Variants in SLC2A13 observed in about 807,000 individuals in gnomAD.
SLC2A13 encodes the protein solute carrier family 2 member 13.
A neutral mutation model predicts 64.4 loss-of-function variants in SLC2A13; 32 were observed. The observed-to-expected ratio is 0.50, with a 90% CI of 0.37 to 0.67. SLC2A13 has a LOEUF of 0.67. Ranked by LOEUF, SLC2A13 falls within the 30% of genes least tolerant of loss-of-function variation. The pLI, the probability that SLC2A13 is intolerant of heterozygous loss-of-function variation, is 0.00. For synonymous variants in SLC2A13, 338 were observed against 327.1 expected (o/e 1.03, Z -0.36); for missense variants, 743 against 829.2 (o/e 0.90, Z 1.28).
rs375245463 is a variant in SLC2A13, at chr12:39,775,506, G to A, written c.1446-10648C>T. Among the ~76,000 whole-genome samples the A allele has an allele frequency of 3.5e-4, 54 of 152,324 alleles. 3 individuals are homozygous for A. Among genetic ancestry groups the A allele is most frequent in the Admixed American group, 2.6e-3 (40 of 15,298 alleles). On this transcript the variant is annotated intron_variant, in intron 7 of 9. Coordinates refer to ENST00000280871, the MANE Select transcript of SLC2A13 (RefSeq NM_052885.4). ...GAACTCTGCCTTGGGGAGGGTCCAC[G>A]TTAGCATTTGAGTGGTCTAAGAAAA...
intron 6 of SLC2A13, among the ~76,000 whole-genome samples, chr12:39,852,169 T>A (rs1943486844): frequency 6.6e-6 from 1 of 152,156 alleles, no homozygotes; most frequent in African/African-American, 2.4e-5. Context: ...GCATGGTAAA[T>A]AACAGCATCT....
intron 1 of SLC2A13, among the ~76,000 whole-genome samples, chr12:40,058,995 G>A (rs1948376525): frequency 6.6e-6 from 1 of 152,072 alleles, no homozygotes; most frequent in African/African-American, 2.4e-5. Flanking sequence ...TCTAGTGGCA[G>A]CTGTGACTCA....
intron 7 of SLC2A13, among the ~76,000 whole-genome samples, chr12:39,766,296 G>GC (rs1940346713): frequency 6.6e-6 from 1 of 152,092 alleles, no homozygotes; most frequent in Non-Finnish European, 1.5e-5. Flanking sequence ...GGGTCACACG[G>GC]ATTTTTTGGT....
chr12:39,783,774 G>A (rs901208835), intron 7 of SLC2A13, among the ~76,000 whole-genome samples: 1 of 152,074 alleles, frequency 6.6e-6, no homozygotes, highest in African/African-American at 2.4e-5. Context: ...AGATGGGTAG[G>A]AAGTCAAATG....
At chr12:40,008,597 C>T (rs530967241) in intron 3 of SLC2A13, among the ~76,000 whole-genome samples, 11 of 146,654 alleles carry the variant, frequency 7.5e-5, no homozygotes, top group African/African-American at 2.3e-4. Flanking sequence ...GGCGACAGAG[C>T]GAGACTGCGT....
Position 39,972,609 on chromosome 12 carries a change from AC to A in SLC2A13, c.926-21245del, listed in dbSNP as rs539887826. 2.9e-3 allele frequency among the ~76,000 whole-genome samples: 448 copies of A among 152,214 alleles called. 4 individuals carry two copies. Among genetic ancestry groups the A allele is most frequent in the African/African-American group, 0.01 (416 of 41,532 alleles). On this transcript the variant is annotated intron_variant, in intron 3 of 9. Transcript: ENST00000280871. ...TATAATTATCTCTCCCTCAATCCCA[AC>A]GTCAGTTACCCTATCTATTAGATCT...
intron 4 of SLC2A13, among the ~76,000 whole-genome samples, chr12:39,898,734 T>G (rs917366686): frequency 6.6e-6 from 1 of 152,144 alleles, no homozygotes; most frequent in Non-Finnish European, 1.5e-5. Context: ...CATGTGTTCA[T>G]GGAATGGAAC....
intron 4 of SLC2A13, among the ~76,000 whole-genome samples, chr12:39,934,629 G>C (rs1238941967): frequency 6.6e-6 from 1 of 152,182 alleles, no homozygotes; most frequent in Non-Finnish European, 1.5e-5. Flanking sequence ...AGAGACTTAG[G>C]GACATTACAG....
In SLC2A13 at chr12:39,961,068, TG is replaced by T. The variant is rs1347565546; in HGVS notation, c.926-9704del. Among the ~76,000 whole-genome samples, 301 of 151,084 alleles carry T rather than the reference TG, an allele frequency of 2.0e-3. 2 individuals are homozygous for T. Among genetic ancestry groups the T allele is most frequent in the African/African-American group, 7.0e-3 (286 of 41,150 alleles). The stretch of plus-strand genomic sequence containing the variant: ...GGCCCTTGCATGATTTTAAAGAGAA[TG>T]TTTTTTTCTTTTTTTTTTTTTTACT... On this transcript the variant is annotated intron_variant, in intron 3 of 9. Coordinates refer to ENST00000280871, the MANE Select transcript of SLC2A13 (RefSeq NM_052885.4).
chr12:39,939,444 A>G (rs998102841), intron 4 of SLC2A13, among the ~76,000 whole-genome samples: 15 of 152,182 alleles, frequency 9.9e-5, no homozygotes, highest in African/African-American at 3.4e-4. Context: ...CTCCAGAGGG[A>G]GAAAGTACAC....
At chr12:39,948,443 T>G (rs142790199) in intron 4 of SLC2A13, among the ~76,000 whole-genome samples, 1 of 152,104 alleles carries the variant, frequency 6.6e-6, no homozygotes, top group Non-Finnish European at 1.5e-5. Context: ...TGTGACAGAA[T>G]AGTAAATAGG....
chr12:39,928,275 G>GA (rs981472282), intron 4 of SLC2A13, among the ~76,000 whole-genome samples: 6 of 151,986 alleles, frequency 3.9e-5, no homozygotes, highest in East Asian at 1.9e-4. Flanking sequence ...TGGATTGGGT[G>GA]AAAAAAATCT....
chr12:40,083,781 T>A (rs939021078), intron 1 of SLC2A13, among the ~76,000 whole-genome samples: 2 of 152,188 alleles, frequency 1.3e-5, no homozygotes, highest in African/African-American at 4.8e-5. Flanking sequence ...AAAGAAAAGA[T>A]GATACAAACA....
chr12:40,036,679 T>C (rs558543311), intron 2 of SLC2A13, among the ~76,000 whole-genome samples: 2 of 152,342 alleles, frequency 1.3e-5, no homozygotes, highest in Non-Finnish European at 2.9e-5. Context: ...CTGATTACTT[T>C]AGTGTTATAA....
chr12:39,938,397 A>T (rs978878845), intron 4 of SLC2A13, among the ~76,000 whole-genome samples: 1 of 132,300 alleles, frequency 7.6e-6, no homozygotes, highest in Non-Finnish European at 1.8e-5. Context: ...CCATTTAAAG[A>T]AACTTTAAAA....
At chr12:39,988,061 C>T (rs994955307) in intron 3 of SLC2A13, among the ~76,000 whole-genome samples, 2 of 152,004 alleles carry the variant, frequency 1.3e-5, no homozygotes, top group Non-Finnish European at 2.9e-5. Context: ...TCCAGTTTTT[C>T]GCGACTACAA....
intron 3 of SLC2A13, among the ~76,000 whole-genome samples, chr12:40,001,007 AGAG>A (rs1555149867): frequency 6.6e-6 from 1 of 152,230 alleles, no homozygotes; most frequent in Non-Finnish European, 1.5e-5. Flanking sequence ...GTCCTCACCA[AGAG>A]GAGAAATGAT....
At chr12:39,777,263 A>ATAG (rs1940810506) in intron 7 of SLC2A13, among the ~76,000 whole-genome samples, 1 of 152,250 alleles carries the variant, frequency 6.6e-6, no homozygotes, top group Non-Finnish European at 1.5e-5. Context: ...AGGCAGGGAA[A>ATAG]TAGTCAATTG....
intron 3 of SLC2A13, among the ~76,000 whole-genome samples, chr12:39,986,828 A>G (rs1042155856): frequency 6.6e-6 from 1 of 152,144 alleles, no homozygotes; most frequent in Admixed American, 6.5e-5. Context: ...CTGAGTTGGC[A>G]TGAAGTTTAT....
Sources: allele counts gnomAD v4.1 joint callset (sites outside exome capture counted in the v4.1 genomes callset), GRCh38; gene constraint gnomAD v4.1.1; transcripts MANE v1.5; gene names NCBI Gene and HGNC (gene_info 2026-07-23, HGNC 2026-07-21).